The following TUNAR variants were observed in gnomAD, a reference collection of about 807,000 sequenced individuals.
TUNAR encodes transmembrane neural differentiation associated intracellular calcium regulator, also known as protein TUNAR.
At chr14:95,881,489 T>G (rs1041848502) in intron 2 of TUNAR, among the ~76,000 whole-genome samples, 1 of 152,220 alleles carries the variant, frequency 6.6e-6, no homozygotes, top group African/African-American at 2.4e-5. Flanking sequence ...TCAAAAGAAC[T>G]GTTTCTCCTC....
At chr14:95,882,288 GAA>G (rs1226993862) in intron 2 of TUNAR, among the ~76,000 whole-genome samples, 1 of 152,182 alleles carries the variant, frequency 6.6e-6, no homozygotes, top group Non-Finnish European at 1.5e-5. Flanking sequence ...CTAAAAAGTA[GAA>G]AATGCAAGAG....
chr14:95,901,292 A>G (rs981098032), intron 2 of TUNAR, among the ~76,000 whole-genome samples: 5 of 152,250 alleles, frequency 3.3e-5, no homozygotes, highest in African/African-American at 9.6e-5. Context: ...TGGTGAAACT[A>G]GTAGAGAAGG....
chr14:95,883,809 C>G (rs1889021933), intron 2 of TUNAR, among the ~76,000 whole-genome samples: 1 of 152,180 alleles, frequency 6.6e-6, no homozygotes, highest in African/African-American at 2.4e-5. Context: ...ATCCAGGGAC[C>G]ACTTCCATGG....
rs1054937480 is a variant in TUNAR, at chr14:95,895,138, G to C, written c.12+17961G>C. Among the ~76,000 whole-genome samples, 2 of 152,226 alleles carry C rather than the reference G, an allele frequency of 1.3e-5. No homozygotes were observed. The highest frequency in any genetic ancestry group is 2.9e-5 in the Non-Finnish European group (2 of 68,032). On this transcript the variant is annotated intron_variant, in intron 2 of 2. Coordinates refer to ENST00000678517, the Ensembl canonical transcript of TUNAR. This position sits in a 1 kb window ranked among gnomAD's most constrained non-coding sequence, Gnocchi z 4.5. ...CAGAACCTGCCTTGAAGCTGGACGA[G>C]GGTCATACAAGGTGTCCCAGAGAGG...
chr14:95,920,684 G>A (rs1428357281), intron 2 of TUNAR, among the ~76,000 whole-genome samples: 1 of 152,114 alleles, frequency 6.6e-6, no homozygotes, highest in East Asian at 1.9e-4. Context: ...TGTAAGGTGC[G>A]AGCGACCCAG....
At chr14:95,922,272 A>G (rs1030967213) in intron 2 of TUNAR, among the ~76,000 whole-genome samples, 8 of 152,304 alleles carry the variant, frequency 5.3e-5, no homozygotes, top group Non-Finnish European at 1.0e-4. Context: ...CCTGGTCTCA[A>G]TGAATCACCT....
intron 2 of TUNAR, 131 bp downstream of exon 1, chr14:95,877,308 A>T (rs534585409): frequency 6.6e-6 from 1 of 152,108 alleles, no homozygotes. Flanking sequence ...TGAATCGTTC[A>T]ATTTCCCCTG....
chr14:95,916,398 G>A (rs968190410), intron 2 of TUNAR, among the ~76,000 whole-genome samples: 2 of 152,122 alleles, frequency 1.3e-5, no homozygotes, highest in Non-Finnish European at 2.9e-5. Flanking sequence ...CTTTTGCAAC[G>A]CGCTTTTGCA....
chr14:95,909,691 G>C (rs1595123496), intron 2 of TUNAR, among the ~76,000 whole-genome samples: 2 of 152,290 alleles, frequency 1.3e-5, no homozygotes, highest in South Asian at 4.1e-4. Flanking sequence ...CTCACTCTCA[G>C]TACTGAACAC....
At chr14:95,894,839 G>A (rs1270646537) in intron 2 of TUNAR, among the ~76,000 whole-genome samples, 3 of 150,292 alleles carry the variant, frequency 2.0e-5, no homozygotes, top group Non-Finnish European at 3.0e-5. Context: ...GTGTAGATGC[G>A]GTTGCAGTGA....
At chr14:95,889,500 T>C (rs1017323233) in intron 2 of TUNAR, among the ~76,000 whole-genome samples, 10 of 140,916 alleles carry the variant, frequency 7.1e-5, no homozygotes, top group African/African-American at 2.3e-4. Context: ...CTATTCACTC[T>C]TCTGCCCTGG....
chr14:95,913,752 G>A (rs1318378313), intron 2 of TUNAR, among the ~76,000 whole-genome samples: 1 of 148,540 alleles, frequency 6.7e-6, no homozygotes, highest in Non-Finnish European at 1.5e-5. Flanking sequence ...TTTTTTTTTT[G>A]AGACAGAGTC....
intron 2 of TUNAR, among the ~76,000 whole-genome samples, chr14:95,906,348 G>T (rs942620574): frequency 2.6e-5 from 4 of 152,158 alleles, no homozygotes; most frequent in Non-Finnish European, 5.9e-5. Flanking sequence ...TAAAAACCAC[G>T]TGTTTATACT....
chr14:95,884,783 G>C (rs1889046922), intron 2 of TUNAR, among the ~76,000 whole-genome samples: 1 of 152,106 alleles, frequency 6.6e-6, no homozygotes, highest in African/African-American at 2.4e-5. Flanking sequence ...CAAACACTGC[G>C]GTCCCCACAA....
intron 2 of TUNAR, among the ~76,000 whole-genome samples, chr14:95,909,573 G>A (rs1052143139): frequency 3.9e-5 from 6 of 152,182 alleles, no homozygotes; most frequent in Non-Finnish European, 5.9e-5. Flanking sequence ...GTGAGCCACC[G>A]TGCCCGGCCG....
chr14:95,894,731 A>C (rs1477857686), intron 2 of TUNAR, among the ~76,000 whole-genome samples: 1 of 152,236 alleles, frequency 6.6e-6, no homozygotes, highest in African/African-American at 2.4e-5. Context: ...CCCACAGGTC[A>C]GCCTCCTTCT....
At chr14:95,893,120 A>G (rs1399552747) in intron 2 of TUNAR, among the ~76,000 whole-genome samples, 1 of 152,090 alleles carries the variant, frequency 6.6e-6, no homozygotes, top group Non-Finnish European at 1.5e-5. Context: ...GAGACCAGAG[A>G]GAGGGAACAC....
chr14:95,893,107 G>C (rs1371460173), intron 2 of TUNAR, among the ~76,000 whole-genome samples: 1 of 152,132 alleles, frequency 6.6e-6, no homozygotes, highest in Non-Finnish European at 1.5e-5. Flanking sequence ...TTTCTCACTA[G>C]AGGAGACCAG....
intron 2 of TUNAR, among the ~76,000 whole-genome samples, chr14:95,901,232 G>A (rs745322649): frequency 1.1e-4 from 16 of 152,218 alleles, no homozygotes; most frequent in Non-Finnish European, 1.6e-4. Flanking sequence ...GCTTTGGGAG[G>A]TGATTCATGC....
Sources: gnomAD v4.1 joint callset for allele counts (sites outside exome capture counted in the v4.1 genomes callset) on GRCh38, gnomAD v4.1.1 for gene constraint, Gnocchi (gnomAD v3.1) non-coding constraint, MANE v1.5 for transcripts, NCBI Gene and HGNC (gene_info 2026-07-23, HGNC 2026-07-21) for gene names.